ANKFN1: variants seen among roughly 807,000 people sequenced by gnomAD.
The protein encoded by ANKFN1 is ankyrin repeat and fibronectin type-III domain-containing protein 1.
A neutral mutation model predicts 108.7 loss-of-function variants in ANKFN1; 74 were observed. The observed-to-expected ratio is 0.68, with a 90% CI of 0.56 to 0.83. ANKFN1 has a LOEUF of 0.83. Ranked by LOEUF, ANKFN1 falls within the 40% of genes least tolerant of loss-of-function variation. The probability of loss-of-function intolerance (pLI) is 0.00; values close to 1 mark genes in which losing one functional copy is unlikely to be tolerated. For missense variants in ANKFN1, 1,505 were observed against 1,382.3 expected, an observed-to-expected ratio of 1.09 and a Z score of -1.41; for synonymous variants, 547 against 516.2, an observed-to-expected ratio of 1.06 and a Z score of -0.81.
intron 19 of ANKFN1, among the ~76,000 whole-genome samples, chr17:56,492,655 A>T (rs2145421119): frequency 6.6e-6 from 1 of 152,326 alleles, no homozygotes; most frequent in East Asian, 1.9e-4. Context: ...CTAGAATATT[A>T]TTCTTACCTT....
intron 3 of ANKFN1, among the ~76,000 whole-genome samples, chr17:56,287,944 G>C (rs1167555859): frequency 6.6e-6 from 1 of 152,112 alleles, no homozygotes; most frequent in African/African-American, 2.4e-5. Flanking sequence ...AGAGCACAAG[G>C]TTAACACAAT....
At chr17:56,490,537 A>T (rs555184023) in intron 18 of ANKFN1, among the ~76,000 whole-genome samples, 4 of 152,308 alleles carry the variant, frequency 2.6e-5, no homozygotes, top group South Asian at 4.1e-4. Flanking sequence ...CCTAGATCAC[A>T]GGGAGTTTTC....
intron 4 of ANKFN1, among the ~76,000 whole-genome samples, chr17:56,346,910 C>T (rs997055719): frequency 6.6e-5 from 10 of 151,922 alleles, no homozygotes; most frequent in Admixed American, 3.3e-4. Context: ...ATTTGGCAGG[C>T]CCAAATGAAA....
In ANKFN1 at chr17:56,205,008, G is replaced by A. The variant is rs566033126; in HGVS notation, c.-70-7590G>A. Among the ~76,000 whole-genome samples, 42 of 152,262 alleles carry A rather than the reference G, an allele frequency of 2.8e-4. No individual in the cohort carries two copies. The South Asian group carries it at 7.3e-3, about 26-fold the overall frequency. ...GGGGAATGGTGTGAACCCGGGAGGC[G>A]GAGCTAGCAGTGAGCCAAGACTGCA... On this transcript the variant is annotated intron_variant, in intron 1 of 20. Coordinates refer to ENST00000682825, the MANE Select transcript of ANKFN1 (RefSeq NM_001370326.1).
intron 3 of ANKFN1, among the ~76,000 whole-genome samples, chr17:56,248,184 T>C (rs1005315336): frequency 1.3e-5 from 2 of 152,178 alleles, no homozygotes; most frequent in Non-Finnish European, 2.9e-5. Flanking sequence ...CAGATGGTCT[T>C]AGAGAAGTTA....
At chr17:56,387,574 C>T (rs1052621942) in intron 8 of ANKFN1, among the ~76,000 whole-genome samples, 2 of 152,150 alleles carry the variant, frequency 1.3e-5, no homozygotes, top group African/African-American at 2.4e-5. Flanking sequence ...TGGCTAACTA[C>T]TGAATCAGTT....
intron 11 of ANKFN1, among the ~76,000 whole-genome samples, chr17:56,454,510 A>G (rs570901500): frequency 1.3e-5 from 2 of 152,148 alleles, no homozygotes; most frequent in Admixed American, 6.5e-5. Context: ...TGATCCTTCA[A>G]TGAATGCTCA....
Position 56,402,807 on chromosome 17 carries a change from C to T in ANKFN1, c.910+28093C>T, listed in dbSNP as rs532396371. Among the ~76,000 whole-genome samples, 32 of 151,946 alleles carry T rather than the reference C, an allele frequency of 2.1e-4. 1 individual carries two copies. The highest frequency in any genetic ancestry group is 7.7e-4 in the East Asian group (4 of 5,172). The stretch of plus-strand genomic sequence containing the variant: ...GAGGTGTGACCTTAGAATGTCAGTT[C>T]GTGCTCTTTTAGTCTTTTTGATGTA... On this transcript the variant is annotated intron_variant, in intron 8 of 20. Transcript: ENST00000682825.
At chr17:56,384,220 A>G (rs1040642327) in intron 8 of ANKFN1, among the ~76,000 whole-genome samples, 2 of 152,228 alleles carry the variant, frequency 1.3e-5, no homozygotes, top group Non-Finnish European at 2.9e-5. Flanking sequence ...AGAACCAAAG[A>G]CGAAAACCAC....
At chr17:56,206,782 T>C (rs1914575372) in intron 1 of ANKFN1, 1 of 152,214 alleles carries the variant, frequency 6.6e-6, no homozygotes, top group African/African-American at 2.4e-5. Flanking sequence ...CCATGCATCC[T>C]GTTTCCTTTC....
At chr17:56,111,201 C>A (rs541268792) in intron 4 of ANKFN1, among the ~76,000 whole-genome samples, 1 of 152,326 alleles carries the variant, frequency 6.6e-6, no homozygotes, top group South Asian at 2.1e-4. Flanking sequence ...GAATCCAAAT[C>A]TCTTCCCCAC....
chr17:56,281,225 A>G (rs562386317), intron 3 of ANKFN1, among the ~76,000 whole-genome samples: 2 of 152,008 alleles, frequency 1.3e-5, no homozygotes. Context: ...GTAGGCCAAT[A>G]GAGAACAGAT....
At chr17:56,064,113 G>A (rs531053936) in intron 4 of ANKFN1, among the ~76,000 whole-genome samples, 37 of 152,234 alleles carry the variant, frequency 2.4e-4, no homozygotes, top group Middle Eastern at 3.4e-3. Flanking sequence ...AGATGGGTGC[G>A]TACTCCTTCT....
intron 4 of ANKFN1, among the ~76,000 whole-genome samples, chr17:56,046,536 G>C (rs561497455): frequency 1.3e-5 from 2 of 152,234 alleles, no homozygotes; most frequent in East Asian, 3.9e-4. Flanking sequence ...TCAGCAGGTG[G>C]GACATATTTT....
rs1391466200 is a variant in ANKFN1 at position 56,381,734 on chromosome 17, GA to G, written c.910+7026del. ...AATGAAGCGAGAAGGGAAGTTTAGA[GA>G]AAAAAGAATAAAAAGAAACGAACAA... On this transcript the variant is annotated intron_variant, in intron 8 of 20. Coordinates refer to ENST00000682825, the MANE Select transcript of ANKFN1 (RefSeq NM_001370326.1). Among the ~76,000 whole-genome samples the G allele has an allele frequency of 3.3e-5, 5 of 152,206 alleles. No individual in the cohort carries two copies. In the East Asian group the frequency reaches 9.6e-4, roughly 29 times the overall value.
chr17:56,170,807 T>TATATATATATACACACACAC (rs1361307404), intron 1 of ANKFN1, among the ~76,000 whole-genome samples: 22 of 61,430 alleles, frequency 3.6e-4, no homozygotes, highest in African/African-American at 1.2e-3. Flanking sequence ...TATATATATA[T>TATATATATATACACACACAC]ACACACACAC....
rs1354286404 is a variant in ANKFN1, at chr17:56,515,810, C to A, written c.*4541C>A. Among the ~76,000 whole-genome samples the A allele has an allele frequency of 6.6e-6, 1 of 152,104 alleles. No homozygotes were observed. Among genetic ancestry groups the A allele is most frequent in the African/African-American group, 2.4e-5 (1 of 41,422 alleles). Reference sequence around the variant, plus strand: ...GTTATATTTGTTTTTTCAATTATTTCTTCTATTTCCACTAATAATGACTTT... The same window carrying A: ...GTTATATTTGTTTTTTCAATTATTTATTCTATTTCCACTAATAATGACTTT... On this transcript the variant is annotated 3_prime_UTR_variant, in exon 21 of 21. Transcript: ENST00000682825.
intron 3 of ANKFN1, among the ~76,000 whole-genome samples, chr17:56,321,847 G>A (rs1218867389): frequency 6.6e-6 from 1 of 152,188 alleles, no homozygotes; most frequent in Non-Finnish European, 1.5e-5. Flanking sequence ...CACACAGCTG[G>A]TGAGGGGCAG....
chr17:56,152,256 A>ATG (rs1165051884), upstream of ANKFN1, among the ~76,000 whole-genome samples: 12 of 79,254 alleles, frequency 1.5e-4, no homozygotes, highest in African/African-American at 4.4e-4. Flanking sequence ...ATATATATAT[A>ATG]TATATATGTG....
Sources: gnomAD v4.1 joint callset for allele counts (sites outside exome capture counted in the v4.1 genomes callset) on GRCh38, gnomAD v4.1.1 for gene constraint, MANE v1.5 for transcripts, NCBI Gene and HGNC (gene_info 2026-07-23, HGNC 2026-07-21) for gene names.